The following MACROH2A2 variants were observed in gnomAD, a reference collection of about 807,000 sequenced individuals.
MACROH2A2 encodes macroH2A.2 histone.
A neutral mutation model predicts 37.6 loss-of-function variants in MACROH2A2; 6 were observed. That is an observed-to-expected ratio of 0.16 (90% CI 0.09 to 0.32). The LOEUF is 0.32. Ranked by LOEUF, MACROH2A2 falls within the 10% of genes least tolerant of loss-of-function variation. The pLI, the probability that MACROH2A2 is intolerant of heterozygous loss-of-function variation, is 1.00. For missense variants in MACROH2A2, 290 were observed against 485.9 expected, an observed-to-expected ratio of 0.60 and a Z score of 3.79; for synonymous variants, 192 against 202.7, an observed-to-expected ratio of 0.95 and a Z score of 0.45.
chr10:70,053,104 C>G lies in MACROH2A2; in HGVS notation c.-60+104C>G, dbSNP rs2136610657. On this transcript the variant is annotated intron_variant, in intron 1 of 8. Coordinates refer to ENST00000373255, the MANE Select transcript of MACROH2A2 (RefSeq NM_018649.3). The surrounding 1 kb of genome is among the most constrained non-coding windows in gnomAD (Gnocchi z 4.8). ...AGGGGCCGGAGAGAACCACCTCTGC[C>G]TCTCCCCCGAGCCCCTGCGGGCGCA... 6.6e-6 allele frequency: 1 copy of G among 152,444 alleles called. No individual in the cohort carries two copies. Among genetic ancestry groups the G allele is most frequent in the Middle Eastern group, 3.4e-3 (1 of 296 alleles). The allele number at this position is 152,444 out of a possible 1,614,324, so 9.4% of individuals were successfully genotyped here.
chr10:70,059,780 C>T (rs918003960), intron 1 of MACROH2A2, among the ~76,000 whole-genome samples: 5 of 152,196 alleles, frequency 3.3e-5, no homozygotes, highest in Admixed American at 6.5e-5. Context: ...CGTGGTCCAC[C>T]GCACCTTCCA....
chr10:70,102,723 AAAAG>A (rs1483213996), intron 7 of MACROH2A2, among the ~76,000 whole-genome samples: 1 of 151,916 alleles, frequency 6.6e-6, no homozygotes, highest in Non-Finnish European at 1.5e-5. Flanking sequence ...TCTCAAAAAA[AAAAG>A]AAAAAAGAAG....
At chr10:70,095,427 A>T (rs2072269743) in intron 5 of MACROH2A2, among the ~76,000 whole-genome samples, 1 of 151,782 alleles carries the variant, frequency 6.6e-6, no homozygotes, top group African/African-American at 2.4e-5. Context: ...GAAGAAATGG[A>T]TTTGTTGCAT....
chr10:70,066,238 G>A (rs752355019), intron 1 of MACROH2A2, among the ~76,000 whole-genome samples: 1 of 152,154 alleles, frequency 6.6e-6, no homozygotes, highest in Non-Finnish European at 1.5e-5. Flanking sequence ...CTGAGGTAGA[G>A]GATTGCTTGA....
chr10:70,086,577 T>C (rs1434788680), intron 2 of MACROH2A2, among the ~76,000 whole-genome samples: 7 of 152,200 alleles, frequency 4.6e-5, no homozygotes, highest in African/African-American at 1.2e-4. Flanking sequence ...ACTCCAAATA[T>C]GTAGTGCTTC....
At chr10:70,104,433 T>G (rs1033857988) in intron 7 of MACROH2A2, among the ~76,000 whole-genome samples, 1 of 151,152 alleles carries the variant, frequency 6.6e-6, no homozygotes, top group Non-Finnish European at 1.5e-5. Flanking sequence ...TCGAAGCACT[T>G]TGAGAGGCAG....
rs548296395 is a variant in MACROH2A2 at position 70,066,307 on chromosome 10, G to A, written c.-59-9293G>A. Among the ~76,000 whole-genome samples, 7 of 152,274 alleles carry A rather than the reference G, an allele frequency of 4.6e-5. No individual in the cohort carries two copies. In the South Asian group the frequency reaches 1.5e-3, roughly 32 times the overall value. On this transcript the variant is annotated intron_variant, in intron 1 of 8. Transcript: ENST00000373255. ...TATACCACTGCACTCCAGCCTGGGT[G>A]ACAGAGCAAGACTCTCAAAAAAAGA...
chr10:70,099,996 T>C (rs1045786165), intron 6 of MACROH2A2, among the ~76,000 whole-genome samples: 7 of 152,194 alleles, frequency 4.6e-5, no homozygotes, highest in Non-Finnish European at 8.8e-5. Flanking sequence ...TAAAATATCC[T>C]TGGTAAAAGC....
intron 2 of MACROH2A2, among the ~76,000 whole-genome samples, chr10:70,079,128 C>T (rs1185010643): frequency 2.6e-5 from 4 of 152,088 alleles, no homozygotes; most frequent in African/African-American, 4.8e-5. Context: ...AGAGGAACTT[C>T]GGGAACTGCG....
chr10:70,108,940 T>C, intron 7 of MACROH2A2, 93 bp from the exon 8 acceptor site: 1 of 1,134,440 alleles, frequency 8.8e-7, no homozygotes. Context: ...ATCACTGCCT[T>C]ATCTCCAGAT....
intron 1 of MACROH2A2, among the ~76,000 whole-genome samples, chr10:70,064,807 T>A (rs1416204559): frequency 3.9e-5 from 6 of 152,162 alleles, no homozygotes. Context: ...AAACTCTTTT[T>A]GTTCCCAGTT....
intron 8 of MACROH2A2, among the ~76,000 whole-genome samples, chr10:70,111,048 C>G (rs2072369724): frequency 1.3e-5 from 2 of 152,178 alleles, no homozygotes; most frequent in Admixed American, 6.5e-5. Flanking sequence ...GCAGGCGGAT[C>G]ACCTGAGGTC....
At chr10:70,103,448 T>C (rs2136641928) in intron 7 of MACROH2A2, among the ~76,000 whole-genome samples, 1 of 152,268 alleles carries the variant, frequency 6.6e-6, no homozygotes, top group African/African-American at 2.4e-5. Context: ...GCTTAAGTGA[T>C]CCTCCTGCCT....
At position 70,095,661 on chromosome 10, in the gene MACROH2A2, TA is replaced by T; in HGVS notation, c.598del (p.Thr200ProfsTer11). Reference protein sequence around the residue: ...KSLVLGQKLSLTQSDISHIGS... With the variant: ...KSLVLGQKLSXTQSDISHIGS... Reference sequence around the variant, plus strand: ...CTTTTCTTCCTAATGCAGCTGTCCTTAACCCAGAGTGACATCAGCCATATTG... The same window carrying T: ...CTTTTCTTCCTAATGCAGCTGTCCTTACCCAGAGTGACATCAGCCATATTG... On this transcript the variant is annotated frameshift_variant, in exon 6 of 9. Coordinates refer to ENST00000373255, the MANE Select transcript of MACROH2A2 (RefSeq NM_018649.3). LOFTEE classifies it high-confidence loss of function. 6.5e-7 allele frequency: 1 copy of T among 1,528,842 alleles called. No homozygotes were observed. Among genetic ancestry groups the T allele is most frequent in the Non-Finnish European group, 9.1e-7 (1 of 1,102,484 alleles). The allele number at this position is 1,528,842 out of a possible 1,614,324, so 94.7% of individuals were successfully genotyped here. A position where few individuals can be genotyped will look rare whatever the true frequency, so the allele number is the denominator to read the frequency against.
chr10:70,093,678 G>T, intron 4 of MACROH2A2, 57 bp from the exon 5 acceptor site: 1 of 883,468 alleles, frequency 1.1e-6, no homozygotes, highest in Non-Finnish European at 1.9e-6. Flanking sequence ...CTTAATAAAG[G>T]CACCTCAGGC....
intron 1 of MACROH2A2, among the ~76,000 whole-genome samples, chr10:70,056,342 G>C (rs1040947971): frequency 2.0e-5 from 3 of 152,132 alleles, no homozygotes; most frequent in African/African-American, 7.2e-5. Context: ...CCATCTCCTA[G>C]GCTCAAGTGA....
intron 6 of MACROH2A2, chr10:70,099,760 GGGTT>G (rs765622865): frequency 6.6e-6 from 1 of 152,490 alleles, no homozygotes; most frequent in Non-Finnish European, 1.5e-5. Flanking sequence ...ACTGAGCACC[GGGTT>G]GGGGGAACAA....
chr10:70,100,322 C>G, intron 7 of MACROH2A2, 25 bp downstream of exon 7: 1 of 1,311,566 alleles, frequency 7.6e-7, no homozygotes, highest in African/African-American at 1.4e-5. Context: ...AGGCTCCTGT[C>G]ACCAGCATGG....
chr10:70,056,227 G>A (rs2072015496), intron 1 of MACROH2A2, among the ~76,000 whole-genome samples: 1 of 152,132 alleles, frequency 6.6e-6, no homozygotes. Context: ...AATATTTGAA[G>A]TTCTGTAATT....
Sources: allele counts gnomAD v4.1 joint callset (sites outside exome capture counted in the v4.1 genomes callset), GRCh38; gene constraint gnomAD v4.1.1; non-coding constraint Gnocchi (gnomAD v3.1); transcripts MANE v1.5; gene names NCBI Gene and HGNC (gene_info 2026-07-23, HGNC 2026-07-21).